NBEA: variants seen among roughly 807,000 people sequenced by gnomAD.
The protein encoded by NBEA is neurobeachin.
In NBEA, 44 loss-of-function variants were observed where a neutral mutation model predicts 343.4. The observed-to-expected ratio is 0.13, with a 90% confidence interval of 0.10 to 0.16. The LOEUF is 0.16. NBEA is among the 10% of genes least tolerant of loss of function. NBEA has a pLI of 1.00. For missense variants in NBEA, 2,555 were observed against 3,631.3 expected (o/e 0.70, Z 7.62); for synonymous variants, 1,175 against 1,238.7 (o/e 0.95, Z 1.08).
chr13:35,273,506 A>C (rs1034137026), intron 34 of NBEA, among the ~76,000 whole-genome samples: 2 of 152,198 alleles, frequency 1.3e-5, no homozygotes, highest in African/African-American at 4.8e-5. Context: ...GAAATAACTA[A>C]GATAAAGAGC....
intron 13 of NBEA, among the ~76,000 whole-genome samples, chr13:35,116,714 A>G (rs887055072): frequency 1.1e-4 from 17 of 152,254 alleles, no homozygotes; most frequent in African/African-American, 3.8e-4. Flanking sequence ...CAGGATTTTT[A>G]TGAATCTAGC....
intron 45 of NBEA, among the ~76,000 whole-genome samples, chr13:35,583,304 C>G (rs984222506): frequency 1.3e-5 from 2 of 152,196 alleles, no homozygotes; most frequent in African/African-American, 4.8e-5. Flanking sequence ...GTGGCCTCAG[C>G]AAAATGCTTT....
Position 35,586,607 on chromosome 13 carries a change from TG to T in NBEA, c.7176+2570del, listed in dbSNP as rs1223806417. Among the ~76,000 whole-genome samples the T allele has an allele frequency of 2.0e-5, 3 of 152,350 alleles. No homozygotes were observed. The East Asian group carries it at 5.8e-4, about 29-fold the overall frequency. The stretch of plus-strand genomic sequence containing the variant: ...TGAACTTGGATTCTTTTATAAAAAA[TG>T]TTTCTGAGTTAGAAGTTTCTTGAGA... On this transcript the variant is annotated intron_variant, in intron 46 of 58. Coordinates refer to ENST00000379939, the MANE Select transcript of NBEA (RefSeq NM_001385012.1).
intron 17 of NBEA, among the ~76,000 whole-genome samples, chr13:35,140,998 A>C (rs1035966167): frequency 2.6e-5 from 4 of 152,172 alleles, no homozygotes; most frequent in Non-Finnish European, 4.4e-5. Flanking sequence ...AATGTGCATG[A>C]GTGCTTTTCC....
intron 41 of NBEA, among the ~76,000 whole-genome samples, chr13:35,496,704 C>G (rs976383596): frequency 6.6e-6 from 1 of 150,950 alleles, no homozygotes; most frequent in Admixed American, 6.6e-5. Context: ...AATAGCTGTT[C>G]TTCTAGCAAG....
At chr13:35,425,110 A>C (rs1024700666) in intron 38 of NBEA, among the ~76,000 whole-genome samples, 5 of 152,130 alleles carry the variant, frequency 3.3e-5, no homozygotes, top group African/African-American at 1.2e-4. Flanking sequence ...TCCTGGATTC[A>C]TTAATTTTTT....
chr13:35,240,496 G>T (rs529882769), intron 34 of NBEA, among the ~76,000 whole-genome samples: 1 of 151,942 alleles, frequency 6.6e-6, no homozygotes, highest in South Asian at 2.1e-4. Flanking sequence ...AAGCACACCT[G>T]ATTAAATCTG....
At chr13:35,616,208 G>A (rs1298135660) in intron 48 of NBEA, among the ~76,000 whole-genome samples, 1 of 152,112 alleles carries the variant, frequency 6.6e-6, no homozygotes, top group South Asian at 2.1e-4. Flanking sequence ...AACTCTGAAT[G>A]TAGTGTCCCC....
intron 31 of NBEA, among the ~76,000 whole-genome samples, chr13:35,200,546 T>A (rs1345671460): frequency 6.6e-6 from 1 of 151,836 alleles, no homozygotes; most frequent in African/African-American, 2.4e-5. Context: ...GTGTGTGATA[T>A]CACACAAAGC....
chr13:35,267,558 TA>T (rs1380882861), intron 34 of NBEA, among the ~76,000 whole-genome samples: 2 of 151,346 alleles, frequency 1.3e-5, no homozygotes, highest in Non-Finnish European at 3.0e-5. Flanking sequence ...ATCAACAGAG[TA>T]AAAAGGCACT....
intron 44 of NBEA, among the ~76,000 whole-genome samples, chr13:35,560,953 A>T (rs2079831725): frequency 6.6e-6 from 1 of 152,134 alleles, no homozygotes; most frequent in Admixed American, 6.5e-5. Flanking sequence ...CTACTGCCAT[A>T]AGTTCTGATT....
At chr13:35,169,930 G>T (rs1262361260) in intron 25 of NBEA, among the ~76,000 whole-genome samples, 1 of 151,606 alleles carries the variant, frequency 6.6e-6, no homozygotes, top group African/African-American at 2.4e-5. Flanking sequence ...TACTGAATTG[G>T]CATAATGTTG....
chr13:35,375,214 G>T (rs1244029477), intron 38 of NBEA, among the ~76,000 whole-genome samples: 1 of 151,990 alleles, frequency 6.6e-6, no homozygotes, highest in Non-Finnish European at 1.5e-5. Context: ...GTGTTTATTT[G>T]CTCAATTAAA....
At chr13:35,582,169 G>C (rs13329012) in intron 45 of NBEA, among the ~76,000 whole-genome samples, 36,536 of 151,784 alleles carry the variant, frequency 0.24, 4,831 homozygotes, top group East Asian at 0.35. Flanking sequence ...GCCTGTAGTC[G>C]CAGCTACTCG....
At chr13:35,041,977 T>C (rs576792706) in intron 2 of NBEA, among the ~76,000 whole-genome samples, 7 of 152,072 alleles carry the variant, frequency 4.6e-5, no homozygotes, top group Admixed American at 3.9e-4. Context: ...ATTATAAAAG[T>C]GCTGATATTA....
chr13:35,107,940 C>G (rs529367567), intron 11 of NBEA, among the ~76,000 whole-genome samples: 1 of 152,164 alleles, frequency 6.6e-6, no homozygotes, highest in African/African-American at 2.4e-5. Context: ...GTCTCCTACT[C>G]TAGTTTACAC....
Position 35,495,582 on chromosome 13 carries a change from A to G in NBEA, c.6585+23046A>G, listed in dbSNP as rs556106073. Among the ~76,000 whole-genome samples the G allele has an allele frequency of 3.3e-5, 5 of 152,066 alleles. No homozygotes were observed. The East Asian group carries it at 9.8e-4, about 30-fold the overall frequency. ...ATGTATCATTTTTGCACCACTGTAA[A>G]GTCAAAAAATCATAAGTCAAACCAT... is the stretch of plus-strand genomic sequence containing the variant. On this transcript the variant is annotated intron_variant, in intron 41 of 58. Transcript: ENST00000379939.
chr13:34,948,805 CTT>C (rs2059264662), intron 1 of NBEA, among the ~76,000 whole-genome samples: 1 of 152,118 alleles, frequency 6.6e-6, no homozygotes, highest in African/African-American at 2.4e-5. Flanking sequence ...GTTTTGGTCA[CTT>C]TTTGGGGTCT....
chr13:35,589,427 C>T (rs377708750), intron 46 of NBEA, among the ~76,000 whole-genome samples: 11 of 152,062 alleles, frequency 7.2e-5, no homozygotes, highest in African/African-American at 2.4e-4. Flanking sequence ...TATTTCCCTT[C>T]CCTTTGTATT....
Sources: allele counts gnomAD v4.1 joint callset (sites outside exome capture counted in the v4.1 genomes callset), GRCh38; gene constraint gnomAD v4.1.1; transcripts MANE v1.5; gene names NCBI Gene and HGNC (gene_info 2026-07-23, HGNC 2026-07-21).